SLC13A3: variants seen among roughly 807,000 people sequenced by gnomAD.
SLC13A3 encodes the protein solute carrier family 13 member 3.
A neutral mutation model predicts 59.0 loss-of-function variants in SLC13A3; 40 were observed. The observed-to-expected ratio is 0.68, with a 90% CI of 0.53 to 0.88. The LOEUF is 0.88. Among genes scored for constraint, SLC13A3 ranks in the 40% least tolerant of loss-of-function variants. SLC13A3 has a pLI of 0.00. For synonymous variants in SLC13A3, 317 were observed against 330.3 expected (o/e 0.96, Z 0.44); for missense variants, 699 against 783.2 (o/e 0.89, Z 1.28).
In SLC13A3 at chr20:46,600,257, GAAGGA is replaced by G. The variant is rs151135493; in HGVS notation, c.542-225_542-221del. ...GGGAGGGAGAGAGAGATGGAGGAAG[GAAGGA>G]AAGGAAAGGAAAGGAAAGGAAAGGG... On this transcript the variant is annotated intron_variant, in intron 3 of 12. Transcript: ENST00000279027. Among the ~76,000 whole-genome samples, 313 of 125,916 alleles carry G rather than the reference GAAGGA, an allele frequency of 2.5e-3. 2 individuals are homozygous for G. Among genetic ancestry groups the G allele is most frequent in the East Asian group, 6.9e-3 (26 of 3,756 alleles). The allele number at this position is 125,916 out of a possible 152,430, so 82.6% of individuals were successfully genotyped here. A position where few individuals can be genotyped will look rare whatever the true frequency, so the allele number is the denominator to read the frequency against.
At chr20:46,601,267 G>A (rs1286006071) in intron 3 of SLC13A3, among the ~76,000 whole-genome samples, 28 of 152,206 alleles carry the variant, frequency 1.8e-4, no homozygotes, top group Admixed American at 1.8e-3. Flanking sequence ...TAGGGAAAGG[G>A]GCAAAAATGG....
chr20:46,626,524 T>C (rs1275103122), intron 1 of SLC13A3, among the ~76,000 whole-genome samples: 1 of 151,638 alleles, frequency 6.6e-6, no homozygotes, highest in Non-Finnish European at 1.5e-5. Flanking sequence ...AGGTCAAGAG[T>C]GTGTTTTATT....
chr20:46,578,836 T>C (rs1316852640), intron 9 of SLC13A3, among the ~76,000 whole-genome samples: 1 of 109,796 alleles, frequency 9.1e-6, no homozygotes, highest in African/African-American at 3.4e-5. Flanking sequence ...AATGAAGTGA[T>C]GGAGTGAGTC....
intron 1 of SLC13A3, among the ~76,000 whole-genome samples, chr20:46,668,801 C>T (rs2694899): frequency 0.18 from 27,955 of 152,190 alleles, 5,341 homozygotes; most frequent in African/African-American, 0.49. Context: ...TGAAGGCCCA[C>T]AAGAATTATG....
Position 46,599,986 on chromosome 20 carries a change from A to T in SLC13A3, c.593T>A (p.Leu198His). The T allele has an allele frequency of 1.6e-5, 26 of 1,576,134 alleles. No individual in the cohort carries two copies. The highest frequency in any genetic ancestry group is 2.2e-5 in the Non-Finnish European group (25 of 1,153,426). The stretch of plus-strand genomic sequence containing the variant: ...AGTAACTTACGCTTCTGTGCTGGCG[A>T]GAAACTGCATCTCCGTGGGCACAGT... ...LHTVPTEMQF[L>H]ASTEAKDHPG... The change falls in exon 4 of 13, where the codon CTC (leucine) becomes CAC (histidine). Residue 198 changes from leucine to histidine, a missense_variant. Physicochemically the swap from Leu to His is moderately conservative, Grantham distance 99 (BLOSUM62 -3). Transcript: ENST00000279027.
intron 1 of SLC13A3, among the ~76,000 whole-genome samples, chr20:46,614,682 G>A (rs922239080): frequency 5.9e-5 from 9 of 152,216 alleles, no homozygotes; most frequent in African/African-American, 2.2e-4. Flanking sequence ...ATGTAGGTAT[G>A]ATTATTACCC....
At chr20:46,579,890 T>C (rs2062117870) in intron 9 of SLC13A3, among the ~76,000 whole-genome samples, 1 of 152,126 alleles carries the variant, frequency 6.6e-6, no homozygotes, top group African/African-American at 2.4e-5. Context: ...GTAATATCCG[T>C]CCCCTTTAAT....
chr20:46,648,915 T>TCACACA (rs533558646), intron 1 of SLC13A3, among the ~76,000 whole-genome samples: 1 of 145,264 alleles, frequency 6.9e-6, no homozygotes, highest in Non-Finnish European at 1.5e-5. Context: ...TCTCTCTCTC[T>TCACACA]CACACACACA....
intron 1 of SLC13A3, among the ~76,000 whole-genome samples, chr20:46,647,060 G>A (rs116502891): frequency 0.012 from 1,845 of 152,210 alleles, 36 homozygotes; most frequent in African/African-American, 0.042. Flanking sequence ...GTTGGCCACC[G>A]TGACACCTTT....
intron 10 of SLC13A3, among the ~76,000 whole-genome samples, chr20:46,574,836 TTTC>T (rs1428161470): frequency 1.9e-5 from 1 of 51,544 alleles, no homozygotes; most frequent in Non-Finnish European, 4.6e-5. Flanking sequence ...TTTTTTTCTT[TTTC>T]TTTTTTTTTT....
Position 46,565,693 on chromosome 20 carries a change from A to T in SLC13A3, c.1494+536T>A, listed in dbSNP as rs2061974423. 3.3e-5 allele frequency among the ~76,000 whole-genome samples: 5 copies of T among 152,188 alleles called. No homozygotes were observed. In the South Asian group the frequency reaches 8.3e-4, roughly 25 times the overall value. On this transcript the variant is annotated intron_variant, in intron 11 of 12. Coordinates refer to ENST00000279027, the MANE Select transcript of SLC13A3 (RefSeq NM_022829.6). The stretch of plus-strand genomic sequence containing the variant: ...GGAAGGATTTGTTCCCCTGACGGGG[A>T]TATTTGGGAATGCTAGGAGACATTT...
chr20:46,585,070 G>T, intron 8 of SLC13A3: 1 of 856,712 alleles, frequency 1.2e-6, no homozygotes, highest in Non-Finnish European at 1.4e-6. Flanking sequence ...ATAAATCAAA[G>T]TGCTCCCATT....
intron 1 of SLC13A3, chr20:46,681,627 C>G (rs1197324865): frequency 6.6e-6 from 1 of 152,270 alleles, no homozygotes; most frequent in Admixed American, 6.5e-5. Flanking sequence ...GAGGTTCAGG[C>G]TGCATTCATT....
chr20:46,588,287 A>C, intron 7 of SLC13A3, 124 bp from the exon 8 acceptor site: 1 of 570,796 alleles, frequency 1.8e-6, no homozygotes, highest in Non-Finnish European at 3.1e-6. Flanking sequence ...AGAAAGCTGA[A>C]GTCATCCACT....
In SLC13A3 at chr20:46,569,913, C is replaced by T. The variant is rs117086181; in HGVS notation, c.1333-3523G>A. 1.6e-3 allele frequency among the ~76,000 whole-genome samples: 245 copies of T among 152,176 alleles called. 1 individual carries two copies. The highest frequency in any genetic ancestry group is 0.014 in the Middle Eastern group (4 of 294). ...AAGGGGGTTTGTTATGGCATAAGTT[C>T]AATATTTGAAGTCAAAAACTCCTGT... On this transcript the variant is annotated intron_variant, in intron 10 of 12. Transcript: ENST00000279027.
In SLC13A3 at chr20:46,613,702, G is replaced by A. The variant is rs764987238; in HGVS notation, c.135C>T (p.Ile45=). The stretch of plus-strand genomic sequence containing the variant: ...TGCACCAGTACACCGCCATGAGCAG[G>A]ATGACAAACAAGCAGCGGCCTTCCT... ...PPKEGRCLFV[I]LLMAVYWCTE... is the part of the protein sequence containing the mutation. Residue 45 remains isoleucine (I), a synonymous_variant, in exon 2 of 13, where the codon ATC becomes ATT. Coordinates refer to ENST00000279027, the MANE Select transcript of SLC13A3 (RefSeq NM_022829.6). 3 of 1,604,976 alleles carry A rather than the reference G, an allele frequency of 1.9e-6. No homozygotes were observed. The highest frequency in any genetic ancestry group is 2.6e-6 in the Non-Finnish European group (3 of 1,175,188).
Position 46,558,572 on chromosome 20 carries a change from G to A in SLC13A3, c.*1450C>T, listed in dbSNP as rs949151452. ...ACGCATCTCCCACCAGCCCCAGTGG[G>A]TTGTAACTGTGATTCAACACTGAGT... On this transcript the variant is annotated 3_prime_UTR_variant, in exon 13 of 13. Transcript: ENST00000279027. 1.3e-5 allele frequency: 2 copies of A among 152,154 alleles called. No homozygotes were observed. The highest frequency in any genetic ancestry group is 1.3e-4 in the Admixed American group (2 of 15,278). 9.4% of individuals were successfully genotyped at this position (152,154 alleles called of 1,614,324 possible).
At chr20:46,629,204 A>C (rs2062711113) in intron 1 of SLC13A3, among the ~76,000 whole-genome samples, 1 of 152,210 alleles carries the variant, frequency 6.6e-6, no homozygotes, top group Admixed American at 6.5e-5. Context: ...TATCTGTAAA[A>C]TTATTGGGTT....
chr20:46,598,803 C>T (rs2694882), intron 4 of SLC13A3, among the ~76,000 whole-genome samples: 1,673 of 152,184 alleles, frequency 0.011, 32 homozygotes, highest in African/African-American at 0.038. Flanking sequence ...CTCTCTCCCC[C>T]CCGAAGCCAA....
Sources: gnomAD v4.1 joint callset for allele counts (sites outside exome capture counted in the v4.1 genomes callset) on GRCh38, gnomAD v4.1.1 for gene constraint, MANE v1.5 for transcripts, NCBI Gene and HGNC (gene_info 2026-07-23, HGNC 2026-07-21) for gene names.